ESYT2: variants seen among roughly 807,000 people sequenced by gnomAD.
The protein encoded by ESYT2 is extended synaptotagmin 2.
A neutral mutation model predicts 107.2 loss-of-function variants in ESYT2; 54 were observed. The ratio of observed to expected loss-of-function variants is 0.50; its 90% CI spans 0.40 to 0.63. The LOEUF (loss-of-function observed/expected upper bound fraction) is 0.63, where lower values mean the gene tolerates loss of function less well. ESYT2 is among the 30% of genes least tolerant of loss of function. The probability of loss-of-function intolerance (pLI) is 0.00; values close to 1 mark genes in which losing one functional copy is unlikely to be tolerated. For synonymous variants in ESYT2, 491 were observed against 434.1 expected, an observed-to-expected ratio of 1.13 and a Z score of -1.63; for missense variants, 1,020 against 1,094.5, an observed-to-expected ratio of 0.93 and a Z score of 0.96.
chr7:158,757,313 A>C (rs565924587), intron 13 of ESYT2, among the ~76,000 whole-genome samples: 9 of 152,374 alleles, frequency 5.9e-5, no homozygotes, highest in African/African-American at 1.7e-4. Context: ...AAAGAAAGAA[A>C]GAACCCCGGA....
intron 4 of ESYT2, among the ~76,000 whole-genome samples, chr7:158,791,104 C>G (rs1043980868): frequency 1.3e-5 from 2 of 152,162 alleles, no homozygotes; most frequent in African/African-American, 4.8e-5. Context: ...ACTAACTCCC[C>G]ATTCCTTCTG....
chr7:158,769,014 G>A (rs192206029), intron 7 of ESYT2, among the ~76,000 whole-genome samples: 13 of 152,228 alleles, frequency 8.5e-5, no homozygotes, highest in African/African-American at 2.9e-4. Context: ...GTGAAGTTGC[G>A]AAAGTACTTT....
chr7:158,826,259 A>G (rs1240537603), intron 1 of ESYT2, among the ~76,000 whole-genome samples: 2 of 152,206 alleles, frequency 1.3e-5, no homozygotes, highest in East Asian at 3.8e-4. Flanking sequence ...TTTAAAAGAT[A>G]TTTTTAAAAT....
At chr7:158,785,288 G>A (rs1253605792) in intron 6 of ESYT2, among the ~76,000 whole-genome samples, 1 of 152,088 alleles carries the variant, frequency 6.6e-6, no homozygotes, top group Non-Finnish European at 1.5e-5. Flanking sequence ...AGCCAGGCGT[G>A]GTGGTGGGTG....
intron 19 of ESYT2, among the ~76,000 whole-genome samples, chr7:158,738,687 A>G (rs1297332808): frequency 6.6e-6 from 1 of 152,180 alleles, no homozygotes; most frequent in African/African-American, 2.4e-5. Context: ...TCCAGACCTC[A>G]GGTGATCTGC....
At chr7:158,737,022 A>G (rs1277192021) in intron 20 of ESYT2, 26 bp downstream of exon 20, 12 of 1,611,158 alleles carry the variant, frequency 7.4e-6, no homozygotes, top group African/African-American at 2.7e-5. Flanking sequence ...CGGGCAGTCT[A>G]TCCTCAGCTG....
intron 15 of ESYT2, among the ~76,000 whole-genome samples, chr7:158,749,108 T>C (rs538847069): frequency 1.3e-5 from 2 of 152,042 alleles, no homozygotes; most frequent in South Asian, 4.2e-4. Flanking sequence ...TCTAATGTTA[T>C]TTTTGTTTTG....
intron 6 of ESYT2, among the ~76,000 whole-genome samples, chr7:158,782,331 C>A (rs1288063194): frequency 1.5e-5 from 2 of 136,294 alleles, no homozygotes; most frequent in Non-Finnish European, 3.1e-5. Flanking sequence ...AGTGTGAGAA[C>A]AGTGTGAGGT....
Position 158,748,279 on chromosome 7 carries a change from A to T in ESYT2, c.1559T>A (p.Ile520Asn). 1 of 1,613,196 alleles carries T rather than the reference A, an allele frequency of 6.2e-7. No homozygotes were observed. The highest frequency in any genetic ancestry group is 8.5e-7 in the Non-Finnish European group (1 of 1,179,204). The stretch of plus-strand genomic sequence containing the variant: ...CACAGGTTCATTGGTTTTGTATCGA[A>T]TCTAGAAGAAATATCCAAATTATTA... ...SVGHKAQESK[I>N]RYKTNEPVWE... Residue 520 changes from isoleucine to asparagine, a missense_variant and splice_region_variant, in exon 16 of 23, where the codon ATT (isoleucine) becomes AAT (asparagine). Physicochemically the swap from Ile to Asn is moderately radical, Grantham distance 149 (BLOSUM62 -3). Coordinates refer to ENST00000275418, the MANE Select transcript of ESYT2 (RefSeq NM_001367773.1).
At chr7:158,787,910 A>G (rs2129473223) in intron 6 of ESYT2, 94 bp downstream of exon 6, 1 of 981,750 alleles carries the variant, frequency 1.0e-6, no homozygotes. Context: ...CGGTGAGTTG[A>G]TAAAATTTTG....
At chr7:158,787,305 G>A (rs751250139) in intron 6 of ESYT2, among the ~76,000 whole-genome samples, 3 of 152,186 alleles carry the variant, frequency 2.0e-5, no homozygotes, top group Middle Eastern at 6.3e-3. Flanking sequence ...AACTTTTTGA[G>A]TACTAGCATC....
chr7:158,776,363 G>A (rs1029601871), intron 6 of ESYT2, among the ~76,000 whole-genome samples: 9 of 152,180 alleles, frequency 5.9e-5, no homozygotes, highest in African/African-American at 1.4e-4. Context: ...AGTTCCAGAT[G>A]GCATCTTCTT....
intron 16 of ESYT2, 42 bp downstream of exon 16, chr7:158,748,152 A>G (rs376558331): frequency 1.3e-6 from 2 of 1,580,666 alleles, no homozygotes; most frequent in African/African-American, 2.7e-5. Context: ...TAAAAAGTCA[A>G]TTATTTGTCA....
At chr7:158,804,635 A>G (rs1178758132) in intron 1 of ESYT2, among the ~76,000 whole-genome samples, 1 of 151,750 alleles carries the variant, frequency 6.6e-6, no homozygotes, top group Non-Finnish European at 1.5e-5. Context: ...GAGGCGCGTG[A>G]CAAACCCAAA....
At chr7:158,799,102 T>C (rs1049160135) in intron 1 of ESYT2, 30 bp from the exon 2 acceptor site, 9 of 1,595,958 alleles carry the variant, frequency 5.6e-6, no homozygotes, top group Non-Finnish European at 7.7e-6. Flanking sequence ...ATATGACTTA[T>C]TAACTCCCAA....
intron 3 of ESYT2, among the ~76,000 whole-genome samples, chr7:158,796,818 G>T (rs1404084953): frequency 6.6e-6 from 1 of 151,994 alleles, no homozygotes; most frequent in African/African-American, 2.4e-5. Context: ...GACAGGAAGG[G>T]GCACTGCAGG....
At chr7:158,778,450 TA>T (rs1838647609) in intron 6 of ESYT2, among the ~76,000 whole-genome samples, 1 of 128,692 alleles carries the variant, frequency 7.8e-6, no homozygotes, top group South Asian at 2.4e-4. Flanking sequence ...GTATTATGGA[TA>T]AAAATGTAAA....
intron 18 of ESYT2, among the ~76,000 whole-genome samples, chr7:158,740,714 G>A (rs1158721815): frequency 6.6e-6 from 1 of 152,160 alleles, no homozygotes; most frequent in Non-Finnish European, 1.5e-5. Context: ...CAAGAGAGAA[G>A]GAATGTTTTC....
chr7:158,782,025 G>A (rs1254617200), intron 6 of ESYT2, among the ~76,000 whole-genome samples: 1 of 151,872 alleles, frequency 6.6e-6, no homozygotes, highest in Non-Finnish European at 1.5e-5. Flanking sequence ...AAAGTGAGGT[G>A]TAAGTGCAAG....
Sources: allele counts gnomAD v4.1 joint callset (sites outside exome capture counted in the v4.1 genomes callset), GRCh38; gene constraint gnomAD v4.1.1; transcripts MANE v1.5; gene names NCBI Gene and HGNC (gene_info 2026-07-23, HGNC 2026-07-21).